Variants in GULP1 observed in about 807,000 individuals in gnomAD.
The protein encoded by GULP1 is PTB domain-containing engulfment adapter protein 1.
A neutral mutation model predicts 40.9 loss-of-function variants in GULP1; 19 were observed. The observed-to-expected ratio is 0.46, with a 90% CI of 0.32 to 0.68. The LOEUF (loss-of-function observed/expected upper bound fraction) is 0.68. GULP1 is among the 30% of genes least tolerant of loss of function. GULP1 has a pLI of 0.03. For missense variants in GULP1, 312 were observed against 362.2 expected (o/e 0.86, Z 1.12); for synonymous variants, 119 against 117.6 (o/e 1.01, Z -0.08).
intron 2 of GULP1, among the ~76,000 whole-genome samples, chr2:188,403,468 A>G (rs1041375310): frequency 6.6e-6 from 1 of 152,186 alleles, no homozygotes; most frequent in Non-Finnish European, 1.5e-5. Context: ...TTAAACTTAC[A>G]TTTGATAAAT....
intron 2 of GULP1, among the ~76,000 whole-genome samples, chr2:188,427,492 C>T (rs953225300): frequency 6.6e-6 from 1 of 152,230 alleles, no homozygotes; most frequent in African/African-American, 2.4e-5. Flanking sequence ...GGCCCAGGGC[C>T]TTGCTGCCCT....
At chr2:188,357,059 C>T (rs1234700722) in intron 1 of GULP1, among the ~76,000 whole-genome samples, 1 of 152,010 alleles carries the variant, frequency 6.6e-6, no homozygotes, top group Non-Finnish European at 1.5e-5. Context: ...AAGATCAACT[C>T]AAAATTGACT....
Position 188,587,878 on chromosome 2 carries a change from C to T in GULP1, c.772C>T (p.Pro258Ser), listed in dbSNP as rs1702721844. The change falls in exon 11 of 12, where the codon CCT (proline) becomes TCT (serine). Residue 258 changes from proline to serine, a missense_variant. Pro to Ser is a moderately conservative substitution (Grantham distance 74). Coordinates refer to ENST00000409830, the MANE Select transcript of GULP1 (RefSeq NM_016315.4). Reference protein sequence around the residue: ...EIKRDLFGAEPFDPFNCGAAD... With the variant: ...EIKRDLFGAESFDPFNCGAAD... Reference sequence around the variant, plus strand: ...AGAACGGGACCTGTTTGGAGCAGAACCTTTTGACCCATTTAACTGTGGAGC... The same window carrying T: ...AGAACGGGACCTGTTTGGAGCAGAATCTTTTGACCCATTTAACTGTGGAGC... 3.7e-6 allele frequency: 6 copies of T among 1,608,752 alleles called. No individual in the cohort carries two copies. The highest frequency in any genetic ancestry group is 8.5e-7 in the Non-Finnish European group (1 of 1,175,348).
intron 2 of GULP1, among the ~76,000 whole-genome samples, chr2:188,450,017 G>T (rs1203680966): frequency 6.6e-6 from 1 of 152,076 alleles, no homozygotes; most frequent in Non-Finnish European, 1.5e-5. Flanking sequence ...CTAACCAAAT[G>T]CTTCATACCT....
At chr2:188,441,403 C>G (rs971908312) in intron 2 of GULP1, among the ~76,000 whole-genome samples, 1 of 152,126 alleles carries the variant, frequency 6.6e-6, no homozygotes, top group Non-Finnish European at 1.5e-5. Context: ...TAACCTAAAC[C>G]ACTCACTGCA....
intron 4 of GULP1, among the ~76,000 whole-genome samples, chr2:188,499,466 G>A (rs2063224588): frequency 6.6e-6 from 1 of 151,502 alleles, no homozygotes; most frequent in Non-Finnish European, 1.5e-5. Flanking sequence ...AATTACATAT[G>A]TCATTTAGAG....
intron 5 of GULP1, among the ~76,000 whole-genome samples, chr2:188,526,234 G>C (rs559510954): frequency 5.3e-5 from 8 of 152,068 alleles, no homozygotes; most frequent in African/African-American, 1.9e-4. Context: ...GATGACAAAG[G>C]CTTGGTTATA....
At chr2:188,580,959 G>A (rs564220421) in intron 9 of GULP1, among the ~76,000 whole-genome samples, 52 of 152,304 alleles carry the variant, frequency 3.4e-4, no homozygotes, top group African/African-American at 1.2e-3. Context: ...CCGAGCGTAG[G>A]CAGTTACAAA....
At chr2:188,304,730 G>A (rs4547501) in intron 1 of GULP1, among the ~76,000 whole-genome samples, 1 of 152,086 alleles carries the variant, frequency 6.6e-6, no homozygotes, top group Non-Finnish European at 1.5e-5. Flanking sequence ...CCTGCTCTTA[G>A]GCATAGCTAC....
At chr2:188,583,246 C>A (rs1701677044) in intron 9 of GULP1, among the ~76,000 whole-genome samples, 2 of 152,026 alleles carry the variant, frequency 1.3e-5, no homozygotes, top group African/African-American at 4.8e-5. Context: ...ATTATTTTAG[C>A]TGAATAGCAA....
At chr2:188,541,485 A>G (rs1690476587) in intron 7 of GULP1, 167 bp downstream of exon 7, 1 of 694,854 alleles carries the variant, frequency 1.4e-6, no homozygotes, top group African/African-American at 1.8e-5. Context: ...TGTCATGAGA[A>G]TATGCTTCAG....
At chr2:188,591,423 C>T (rs975102158) in intron 11 of GULP1, 5 of 151,878 alleles carry the variant, frequency 3.3e-5, no homozygotes, top group Admixed American at 2.6e-4. Context: ...AACTTTAAAG[C>T]AATCTATTCT....
intron 4 of GULP1, among the ~76,000 whole-genome samples, chr2:188,522,314 G>A (rs1425686682): frequency 6.6e-6 from 1 of 151,682 alleles, no homozygotes; most frequent in East Asian, 1.9e-4. Context: ...AGTGGGGAGA[G>A]ACGTGAGAAA....
At chr2:188,452,483 C>A (rs1478551771) in intron 2 of GULP1, among the ~76,000 whole-genome samples, 2 of 152,210 alleles carry the variant, frequency 1.3e-5, no homozygotes, top group African/African-American at 4.8e-5. Context: ...ATGAACTTTT[C>A]AAACCCATCT....
chr2:188,302,193 G>A (rs1380477603), intron 1 of GULP1, among the ~76,000 whole-genome samples: 2 of 151,998 alleles, frequency 1.3e-5, no homozygotes, highest in Non-Finnish European at 2.9e-5. Context: ...AAATCACCAT[G>A]CATTAAGTTT....
intron 1 of GULP1, among the ~76,000 whole-genome samples, chr2:188,301,438 T>C (rs1351567659): frequency 2.0e-5 from 3 of 152,184 alleles, no homozygotes; most frequent in African/African-American, 7.2e-5. Flanking sequence ...TGTTTTCACT[T>C]TTGAGAGCTA....
At chr2:188,576,741 C>G (rs531595524) in intron 9 of GULP1, among the ~76,000 whole-genome samples, 2 of 152,106 alleles carry the variant, frequency 1.3e-5, no homozygotes, top group African/African-American at 4.8e-5. Flanking sequence ...AAATTGGATC[C>G]TTATTTTATA....
chr2:188,339,773 C>T (rs2042727218), intron 1 of GULP1, among the ~76,000 whole-genome samples: 1 of 152,126 alleles, frequency 6.6e-6, no homozygotes, highest in African/African-American at 2.4e-5. Context: ...ATAATAAAAG[C>T]TTAAAAAGAA....
At chr2:188,454,901 G>T (rs577026652) in intron 2 of GULP1, among the ~76,000 whole-genome samples, 1 of 152,144 alleles carries the variant, frequency 6.6e-6, no homozygotes, top group Admixed American at 6.5e-5. Context: ...ACATGGGAGG[G>T]ATTACTTAAA....
Sources: gnomAD v4.1 joint callset for allele counts (sites outside exome capture counted in the v4.1 genomes callset) on GRCh38, gnomAD v4.1.1 for gene constraint, MANE v1.5 for transcripts, NCBI Gene and HGNC (gene_info 2026-07-23, HGNC 2026-07-21) for gene names.